The following FGD5 variants were observed in gnomAD, a reference collection of about 807,000 sequenced individuals.
The protein encoded by FGD5 is FYVE, RhoGEF and PH domain-containing protein 5.
A neutral mutation model predicts 133.4 loss-of-function variants in FGD5; 28 were observed. The observed-to-expected ratio is 0.21, with a 90% CI of 0.16 to 0.29. The LOEUF (loss-of-function observed/expected upper bound fraction) is 0.29. Among genes scored for constraint, FGD5 ranks in the 10% least tolerant of loss-of-function variants. The pLI, the probability that FGD5 is intolerant of heterozygous loss-of-function variation, is 1.00. For synonymous variants in FGD5, 810 were observed against 776.5 expected, an observed-to-expected ratio of 1.04 and a Z score of -0.72; for missense variants, 1,858 against 1,895.2, an observed-to-expected ratio of 0.98 and a Z score of 0.36.
intron 1 of FGD5, among the ~76,000 whole-genome samples, chr3:14,830,176 G>A (rs1231105774): frequency 6.6e-6 from 1 of 152,162 alleles, no homozygotes; most frequent in Non-Finnish European, 1.5e-5. Flanking sequence ...CTCATGCAGA[G>A]CTTTCATTAA....
intron 1 of FGD5, among the ~76,000 whole-genome samples, chr3:14,844,211 AAAAAAAATATATATATAT>A (rs2036984779): frequency 2.4e-5 from 1 of 41,470 alleles, no homozygotes; most frequent in African/African-American, 9.1e-5. Flanking sequence ...CATTAAAAAA[AAAAAAAATATATATATAT>A]ATATATATAT....
chr3:14,881,502 AG>A (rs1332505718), intron 4 of FGD5, among the ~76,000 whole-genome samples: 2 of 152,188 alleles, frequency 1.3e-5, no homozygotes, highest in East Asian at 3.9e-4. Flanking sequence ...AACCTTGGGC[AG>A]GCTTCCCTGA....
intron 10 of FGD5, among the ~76,000 whole-genome samples, chr3:14,908,884 G>A (rs2038389488): frequency 6.6e-6 from 1 of 151,124 alleles, no homozygotes; most frequent in Non-Finnish European, 1.5e-5. Flanking sequence ...CCTCCCAAAA[G>A]AATAAATAAA....
chr3:14,823,671 G>C (rs770752115), intron 1 of FGD5, among the ~76,000 whole-genome samples: 2 of 152,198 alleles, frequency 1.3e-5, no homozygotes, highest in Non-Finnish European at 2.9e-5. Context: ...TTGACTTCTG[G>C]ATCAGGAATT....
At chr3:14,919,375 T>C (rs1370151801) in intron 13 of FGD5, among the ~76,000 whole-genome samples, 1 of 152,142 alleles carries the variant, frequency 6.6e-6, no homozygotes, top group Non-Finnish European at 1.5e-5. Flanking sequence ...TCCCAGCCCT[T>C]TGGGAGGCCG....
upstream of FGD5, chr3:14,810,763 C>T: frequency 1.0e-6 from 1 of 964,370 alleles, no homozygotes; most frequent in South Asian, 4.8e-5. Flanking sequence ...CCCCGCGGGG[C>T]GGCCGCGGAG....
intron 4 of FGD5, among the ~76,000 whole-genome samples, chr3:14,893,752 C>CTTTTTTTTTTTTTTTTTTTTTTTTTTT (rs138741627): frequency 1.1e-5 from 1 of 95,056 alleles, no homozygotes; most frequent in Non-Finnish European, 1.9e-5. Context: ...TTTCTTTTTT[C>CTTTTTTTTTTTTTTTTTTTTTTTTTTT]TTTTTTTTTT....
intron 2 of FGD5, among the ~76,000 whole-genome samples, chr3:14,865,310 A>C (rs1485451489): frequency 6.6e-6 from 1 of 152,238 alleles, no homozygotes; most frequent in Non-Finnish European, 1.5e-5. Context: ...TTGCAAGTGA[A>C]TGCACTCAGC....
chr3:14,926,268 C>G, intron 18 of FGD5, 70 bp downstream of exon 18: 3 of 1,584,852 alleles, frequency 1.9e-6, no homozygotes, highest in Non-Finnish European at 8.6e-7. Context: ...CTGCACACAT[C>G]CTGTCACTTG....
chr3:14,888,320 A>C (rs980633648), intron 4 of FGD5, among the ~76,000 whole-genome samples: 2 of 152,236 alleles, frequency 1.3e-5, no homozygotes, highest in African/African-American at 4.8e-5. Context: ...AACGAGGCAC[A>C]CTGCTCTCTC....
intron 4 of FGD5, chr3:14,897,250 A>G (rs2038155351): frequency 6.6e-6 from 3 of 453,820 alleles, no homozygotes; most frequent in African/African-American, 2.1e-5. Flanking sequence ...GAGGAGAGTG[A>G]GTGTGTGTTG....
chr3:14,840,749 C>G (rs1026342320), intron 1 of FGD5, among the ~76,000 whole-genome samples: 9 of 152,142 alleles, frequency 5.9e-5, no homozygotes, highest in Non-Finnish European at 1.3e-4. Flanking sequence ...AACCAACCAA[C>G]CAACCCCACC....
In FGD5 at chr3:14,922,262, G is replaced by T; in HGVS notation, c.3670-149G>T. 8.4e-7 allele frequency: 1 copy of T among 1,183,942 alleles called. No homozygotes were observed. Among genetic ancestry groups the T allele is most frequent in the Non-Finnish European group, 1.2e-6 (1 of 844,060 alleles). The allele number at this position is 1,183,942 out of a possible 1,614,324, so 73.3% of individuals were successfully genotyped here. The stretch of plus-strand genomic sequence containing the variant: ...TTCCCAACCAAGGGTGAGCATCCTG[G>T]AGGGTGCAGGAGAGGCCTTTCACAT... On this transcript the variant is annotated intron_variant, in intron 14 of 19. Coordinates refer to ENST00000285046, the MANE Select transcript of FGD5 (RefSeq NM_152536.4). The surrounding 1 kb of genome is among the most constrained non-coding windows in gnomAD (Gnocchi z 4.1).
intron 1 of FGD5, among the ~76,000 whole-genome samples, chr3:14,861,746 A>ACAG (rs35893372): frequency 0.04 from 6,038 of 152,164 alleles, 213 homozygotes; most frequent in East Asian, 0.15. Context: ...TGGGGAGACC[A>ACAG]CAGCAGCAGC....
At chr3:14,931,024 CTCTT>C (rs758658840) in intron 18 of FGD5, 1 of 151,752 alleles carries the variant, frequency 6.6e-6, no homozygotes, top group Non-Finnish European at 1.5e-5. Context: ...TGATCTTTAT[CTCTT>C]TCTTTTTCTT....
At chr3:14,864,095 G>A in intron 1 of FGD5, 33 bp from the exon 2 acceptor site, 1 of 1,604,162 alleles carries the variant, frequency 6.2e-7, no homozygotes, top group South Asian at 1.1e-5. Context: ...TAAACAAAAA[G>A]CTTTAACCCT....
intron 1 of FGD5, among the ~76,000 whole-genome samples, chr3:14,848,222 G>A (rs2037088359): frequency 6.6e-6 from 1 of 152,156 alleles, no homozygotes; most frequent in Non-Finnish European, 1.5e-5. Context: ...GCTTTTCGTT[G>A]TTGTGGGAGG....
At chr3:14,892,190 G>T (rs915552644) in intron 4 of FGD5, among the ~76,000 whole-genome samples, 4 of 151,626 alleles carry the variant, frequency 2.6e-5, no homozygotes, top group African/African-American at 9.7e-5. Context: ...ATATACAAAA[G>T]ACCTTTTTTT....
intron 2 of FGD5, among the ~76,000 whole-genome samples, chr3:14,874,917 C>G (rs375611545): frequency 5.3e-5 from 8 of 152,320 alleles, no homozygotes; most frequent in Non-Finnish European, 7.4e-5. Flanking sequence ...GCCACTGTTG[C>G]GTCCCTCCTT....
Sources: allele counts gnomAD v4.1 joint callset (sites outside exome capture counted in the v4.1 genomes callset), GRCh38; gene constraint gnomAD v4.1.1; non-coding constraint Gnocchi (gnomAD v3.1); transcripts MANE v1.5; gene names NCBI Gene and HGNC (gene_info 2026-07-23, HGNC 2026-07-21).